Variants in KIF1A observed in about 807,000 individuals in gnomAD.
KIF1A encodes the protein kinesin-like protein KIF1A.
Under a neutral mutation model 227.3 loss-of-function variants are expected in KIF1A, and 46 were observed. The ratio of observed to expected loss-of-function variants is 0.20; its 90% CI spans 0.16 to 0.26. The LOEUF (loss-of-function observed/expected upper bound fraction) is 0.26, where lower values mean the gene tolerates loss of function less well. KIF1A is among the 10% of genes least tolerant of loss of function. The pLI, the probability that KIF1A is intolerant of heterozygous loss-of-function variation, is 1.00. For synonymous variants in KIF1A, 1,022 were observed against 1,012.8 expected, an observed-to-expected ratio of 1.01 and a Z score of -0.17; for missense variants, 1,683 against 2,485.9, an observed-to-expected ratio of 0.68 and a Z score of 6.87.
intron 7 of KIF1A, among the ~76,000 whole-genome samples, chr2:240,784,508 A>G (rs912788904): frequency 6.6e-6 from 1 of 152,174 alleles, no homozygotes; most frequent in Non-Finnish European, 1.5e-5. Flanking sequence ...CCCGGTCAGG[A>G]GGATGTGCCT....
intron 20 of KIF1A, among the ~76,000 whole-genome samples, chr2:240,764,788 G>A (rs56811003): frequency 0.01 from 1,543 of 152,220 alleles, 31 homozygotes; most frequent in African/African-American, 0.035. Flanking sequence ...GGCCCCCAAC[G>A]GTGGGGTGGG....
In KIF1A at chr2:240,752,152, C is replaced by T. The variant is rs908419606; in HGVS notation, c.2859-1605G>A. Among the ~76,000 whole-genome samples, 1 of 152,032 alleles carries T rather than the reference C, an allele frequency of 6.6e-6. No individual in the cohort carries two copies. Among genetic ancestry groups the T allele is most frequent in the Admixed American group, 6.5e-5 (1 of 15,276 alleles). Reference sequence around the variant, plus strand: ...TTTGGGCCCTCTCCCCAGCACAACGCCCCCTCTGAAGATGCCCCCCGAGAA... The same window carrying T: ...TTTGGGCCCTCTCCCCAGCACAACGTCCCCTCTGAAGATGCCCCCCGAGAA... On this transcript the variant is annotated intron_variant, in intron 27 of 48. Coordinates refer to ENST00000498729, the MANE Select transcript of KIF1A (RefSeq NM_001244008.2). The surrounding 1 kb of genome is among the most constrained non-coding windows in gnomAD (Gnocchi z 6.4).
In KIF1A at chr2:240,725,689, C is replaced by T. The variant is rs548729802; in HGVS notation, c.4123-285G>A. 10 of 367,280 alleles carry T rather than the reference C, an allele frequency of 2.7e-5. No homozygotes were observed. The highest frequency in any genetic ancestry group is 1.0e-4 in the South Asian group (2 of 19,748). The allele number at this position is 367,280 out of a possible 1,614,324, so 22.8% of individuals were successfully genotyped here. A position where few individuals can be genotyped will look rare whatever the true frequency, so the allele number is the denominator to read the frequency against. On this transcript the variant is annotated intron_variant, in intron 39 of 48. Coordinates refer to ENST00000498729, the MANE Select transcript of KIF1A (RefSeq NM_001244008.2). The surrounding 1 kb of genome is among the most constrained non-coding windows in gnomAD (Gnocchi z 5.8). ...GGGTCCCAGACATAGGCTCACTGCT[C>T]GGGCCTCAGCTGCCTCACCATAAAA...
At chr2:240,782,703 G>A in intron 9 of KIF1A, 96 bp from the exon 10 acceptor site, 1 of 1,308,166 alleles carries the variant, frequency 7.6e-7, no homozygotes, top group Non-Finnish European at 1.1e-6. Context: ...CCTCGCCCTG[G>A]CCATGACTCA....
At chr2:240,785,299 G>A (rs1020231060) in intron 6 of KIF1A, among the ~76,000 whole-genome samples, 199 bp from the exon 7 acceptor site, 6 of 152,206 alleles carry the variant, frequency 3.9e-5, no homozygotes, top group African/African-American at 7.2e-5. Flanking sequence ...CCACAGTGGC[G>A]TCCTCAGCCC....
chr2:240,771,287 A>C, intron 14 of KIF1A, 183 bp from the exon 15 acceptor site: 1 of 733,572 alleles, frequency 1.4e-6, no homozygotes, highest in Non-Finnish European at 2.3e-6. Context: ...AGAAACAGAA[A>C]CCATCAACGA....
At chr2:240,781,471 A>AGCTC (rs1559524398) in intron 10 of KIF1A, among the ~76,000 whole-genome samples, 14 of 111,494 alleles carry the variant, frequency 1.3e-4, no homozygotes, top group African/African-American at 4.4e-4. Flanking sequence ...CTCCACACAC[A>AGCTC]CACACACACA....
chr2:240,717,158 CAAG>C lies in KIF1A; in HGVS notation c.*203_*205del, dbSNP rs377466581. On this transcript the variant is annotated 3_prime_UTR_variant, in exon 49 of 49. Coordinates refer to ENST00000498729, the MANE Select transcript of KIF1A (RefSeq NM_001244008.2). The stretch of plus-strand genomic sequence containing the variant: ...ACTTGTTCCACCAGAGCACATTCTG[CAAG>C]AAGAACTGACACGCACAGCCTCTGC... The C allele has an allele frequency of 4.3e-5, 22 of 516,864 alleles. No homozygotes were observed. The highest frequency in any genetic ancestry group is 1.7e-4 in the African/African-American group (9 of 52,204). The allele number at this position is 516,864 out of a possible 1,614,324, so 32.0% of individuals were successfully genotyped here.
chr2:240,787,175 G>T (rs2055047504), intron 5 of KIF1A, 76 bp downstream of exon 5: 2 of 1,196,300 alleles, frequency 1.7e-6, no homozygotes, highest in Non-Finnish European at 2.5e-6. Context: ...CACTCACTTT[G>T]CATCAGAAAA....
Position 240,769,686 on chromosome 2 carries a change from A to G in KIF1A, c.1362T>C (p.Ala454=), listed in dbSNP as rs747281170. 8 of 1,613,566 alleles carry G rather than the reference A, an allele frequency of 5.0e-6. No homozygotes were observed. The highest frequency in any genetic ancestry group is 3.3e-5 in the South Asian group (3 of 91,070). ...ERLKETEKII[A]ELNETWEEKL... is the part of the protein sequence containing the mutation. ...TCTCCTCCCAGGTCTCATTGAGCTC[A>G]GCTATGATCTTCTCTGTTTCCTGGG... Residue 454 remains alanine, a synonymous_variant, in exon 16 of 49, where the codon GCT becomes GCC. Coordinates refer to ENST00000498729, the MANE Select transcript of KIF1A (RefSeq NM_001244008.2).
intron 34 of KIF1A, 121 bp downstream of exon 34, chr2:240,742,808 G>A (rs1449692568): frequency 3.3e-6 from 3 of 895,922 alleles, no homozygotes; most frequent in Admixed American, 2.1e-5. Flanking sequence ...TGGCGCCAGA[G>A]TGCCTGGGAG....
intron 40 of KIF1A, chr2:240,724,396 C>G: frequency 8.6e-6 from 3 of 350,850 alleles, no homozygotes; most frequent in South Asian, 7.6e-5. Context: ...GGCCCCATAC[C>G]CCACAGAGCA....
chr2:240,720,784 G>A, intron 45 of KIF1A, 130 bp downstream of exon 45: 4 of 1,167,668 alleles, frequency 3.4e-6, no homozygotes, highest in Non-Finnish European at 4.7e-6. Flanking sequence ...CCTTCCCTCA[G>A]CCTGTGGCCA....
At chr2:240,733,661 G>A (rs1002973415) in intron 38 of KIF1A, among the ~76,000 whole-genome samples, 2 of 152,162 alleles carry the variant, frequency 1.3e-5, no homozygotes, top group African/African-American at 2.4e-5. Flanking sequence ...ATCGCAACAC[G>A]ACCTGACAAG....
intron 10 of KIF1A, among the ~76,000 whole-genome samples, chr2:240,782,354 AG>A (rs2054161025): frequency 6.6e-6 from 1 of 151,714 alleles, no homozygotes; most frequent in Admixed American, 6.6e-5. Context: ...GTCTCCCAGC[AG>A]CCCCCGCCCC....
At position 240,783,724 on chromosome 2, in the gene KIF1A, C is replaced by T. The variant is rs1332274251; in HGVS notation, c.798+15G>A. On this transcript the variant is annotated intron_variant, in intron 8 of 48. Coordinates refer to ENST00000498729, the MANE Select transcript of KIF1A (RefSeq NM_001244008.2). The stretch of plus-strand genomic sequence containing the variant: ...AATGTGGACACGGGTCCCCGCATGG[C>T]GGCCTGGCCCCTACCTTGAGGCGCG... 9 of 1,554,936 alleles carry T rather than the reference C, an allele frequency of 5.8e-6. No homozygotes were observed. In the South Asian group the frequency reaches 5.9e-5, roughly 10 times the overall value.
chr2:240,745,598 G>C, intron 31 of KIF1A, 81 bp from the exon 32 acceptor site: 2 of 1,467,240 alleles, frequency 1.4e-6, no homozygotes, highest in Non-Finnish European at 1.9e-6. Flanking sequence ...CCTCACACGA[G>C]GGCGCTGGGG....
chr2:240,776,319 C>A (rs1192788526), intron 10 of KIF1A, among the ~76,000 whole-genome samples: 2 of 152,248 alleles, frequency 1.3e-5, no homozygotes, highest in Non-Finnish European at 2.9e-5. Context: ...CGACTCCTGA[C>A]CCAAGGGAAA....
rs1454271542 is a variant in KIF1A at position 240,766,749 on chromosome 2, T to TCTCTCTCTCACACACACACA, written c.1684+165_1684+166insTGTGTGTGTGTGAGAGAGAG. On this transcript the variant is annotated intron_variant, in intron 19 of 48. Coordinates refer to ENST00000498729, the MANE Select transcript of KIF1A (RefSeq NM_001244008.2). The surrounding 1 kb of genome is among the most constrained non-coding windows in gnomAD (Gnocchi z 5.0). ...CTCTCTCTCTCTCTCTCTCTCTCTC[T>TCTCTCTCTCACACACACACA]CACACACACACACACACACACACAC... Among the ~76,000 whole-genome samples, 4 of 108,974 alleles carry TCTCTCTCTCACACACACACA rather than the reference T, an allele frequency of 3.7e-5. No homozygotes were observed. Among genetic ancestry groups the TCTCTCTCTCACACACACACA allele is most frequent in the South Asian group, 6.4e-4 (2 of 3,124 alleles). 71.5% of individuals were successfully genotyped at this position (108,974 alleles called of 152,430 possible).
Sources: gnomAD v4.1 joint callset for allele counts (sites outside exome capture counted in the v4.1 genomes callset) on GRCh38, gnomAD v4.1.1 for gene constraint, Gnocchi (gnomAD v3.1) non-coding constraint, MANE v1.5 for transcripts, NCBI Gene and HGNC (gene_info 2026-07-23, HGNC 2026-07-21) for gene names.